The following SORCS3 variants were observed in gnomAD, a reference collection of about 807,000 sequenced individuals.
SORCS3 encodes the protein VPS10 domain-containing receptor SorCS3.
Under a neutral mutation model 146.3 loss-of-function variants are expected in SORCS3, and 57 were observed. The observed-to-expected ratio is 0.39, with a 90% CI of 0.31 to 0.49. SORCS3 has a LOEUF of 0.49. Ranked by LOEUF, SORCS3 falls within the 20% of genes least tolerant of loss-of-function variation. The pLI, the probability that SORCS3 is intolerant of heterozygous loss-of-function variation, is 0.92. For synonymous variants in SORCS3, 653 were observed against 618.5 expected (o/e 1.06, Z -0.83); for missense variants, 1,341 against 1,575.5 (o/e 0.85, Z 2.52).
intron 4 of SORCS3, among the ~76,000 whole-genome samples, chr10:105,020,886 C>A (rs190523753): frequency 4.7e-4 from 72 of 152,280 alleles, no homozygotes; most frequent in African/African-American, 1.6e-3. Flanking sequence ...TGTCTGAGTT[C>A]GTATGATACT....
intron 10 of SORCS3, 80 bp downstream of exon 10, chr10:105,157,364 A>G (rs1484612358): frequency 6.4e-7 from 1 of 1,555,658 alleles, no homozygotes; most frequent in Non-Finnish European, 8.7e-7. Context: ...TTGTTTCGTC[A>G]AAGGGTCTTA....
Position 104,865,573 on chromosome 10 carries a change from G to C in SORCS3, c.695+22714G>C, listed in dbSNP as rs1250477317. Among the ~76,000 whole-genome samples the C allele has an allele frequency of 2.6e-5, 4 of 152,310 alleles. No individual in the cohort carries two copies. The East Asian group carries it at 7.7e-4, about 29-fold the overall frequency. ...GACAGGAAAGCAGACACCCTCAAAA[G>C]ATCCCAAGAGTCCAGTATTTAGTGG... On this transcript the variant is annotated intron_variant, in intron 2 of 26. Transcript: ENST00000369701.
At chr10:104,982,121 C>A (rs1052087735) in intron 4 of SORCS3, among the ~76,000 whole-genome samples, 1 of 152,072 alleles carries the variant, frequency 6.6e-6, no homozygotes, top group African/African-American at 2.4e-5. Context: ...TAGTAGCTGA[C>A]GGATTGACAG....
At chr10:104,957,726 C>T (rs980615502) in intron 3 of SORCS3, among the ~76,000 whole-genome samples, 1 of 152,102 alleles carries the variant, frequency 6.6e-6, no homozygotes, top group Non-Finnish European at 1.5e-5. Context: ...TCTGGAAGAC[C>T]CTTTTCTCTG....
chr10:104,950,885 C>T (rs972814972), intron 3 of SORCS3, among the ~76,000 whole-genome samples: 4 of 152,184 alleles, frequency 2.6e-5, no homozygotes, highest in Non-Finnish European at 4.4e-5. Flanking sequence ...CCTCAGTACT[C>T]TCTAACTAAG....
intron 7 of SORCS3, among the ~76,000 whole-genome samples, chr10:105,127,265 A>T (rs1393519771): frequency 2.6e-5 from 4 of 152,102 alleles, no homozygotes; most frequent in Non-Finnish European, 5.9e-5. Context: ...TGGTGTTGTC[A>T]ACCACGCAAA....
At position 104,641,968 on chromosome 10, in the gene SORCS3, C is replaced by T. The variant is rs1399614395; in HGVS notation, c.627+14C>T. 5 of 1,247,424 alleles carry T rather than the reference C, an allele frequency of 4.0e-6. No homozygotes were observed. Among genetic ancestry groups the T allele is most frequent in the Admixed American group, 5.1e-5 (2 of 39,524 alleles). 77.3% of individuals were successfully genotyped at this position (1,247,424 alleles called of 1,614,324 possible). A position where few individuals can be genotyped will look rare whatever the true frequency, so the allele number is the denominator to read the frequency against. ...CACAACAGCAGCGTGAGTACCCACC[C>T]GGCGGCGGGTCCGCCTGTTTCCTGA... On this transcript the variant is annotated intron_variant, in intron 1 of 26. Coordinates refer to ENST00000369701, the MANE Select transcript of SORCS3 (RefSeq NM_014978.3). The surrounding 1 kb of genome is among the most constrained non-coding windows in gnomAD (Gnocchi z 6.4).
intron 16 of SORCS3, among the ~76,000 whole-genome samples, chr10:105,204,812 A>G (rs2056592936): frequency 6.6e-6 from 1 of 151,760 alleles, no homozygotes; most frequent in Admixed American, 6.6e-5. Flanking sequence ...TTTTGGGGGG[A>G]CAATGAGACT....
intron 5 of SORCS3, among the ~76,000 whole-genome samples, chr10:105,071,877 A>G (rs149854540): frequency 3.7e-4 from 57 of 152,350 alleles, no homozygotes; most frequent in African/African-American, 1.4e-3. Flanking sequence ...ACACAGGTAG[A>G]AAGACATAGA....
intron 23 of SORCS3, among the ~76,000 whole-genome samples, chr10:105,253,520 A>G (rs1208276257): frequency 6.6e-6 from 1 of 152,220 alleles, no homozygotes; most frequent in Non-Finnish European, 1.5e-5. Flanking sequence ...AGGGGATGGC[A>G]GGACTGGTGT....
chr10:104,886,636 T>C (rs1351694447), intron 2 of SORCS3, among the ~76,000 whole-genome samples: 1 of 151,990 alleles, frequency 6.6e-6, no homozygotes, highest in Non-Finnish European at 1.5e-5. Flanking sequence ...AGATGTAGAA[T>C]TAAAATATTT....
At chr10:104,806,249 T>C (rs1780875450) in intron 1 of SORCS3, among the ~76,000 whole-genome samples, 1 of 152,194 alleles carries the variant, frequency 6.6e-6, no homozygotes, top group South Asian at 2.1e-4. Context: ...CTCCTCTGAG[T>C]GTCCTTCCTT....
intron 3 of SORCS3, among the ~76,000 whole-genome samples, chr10:104,947,231 T>G (rs2133623116): frequency 6.6e-6 from 1 of 152,256 alleles, no homozygotes; most frequent in East Asian, 1.9e-4. Context: ...GCTCTGTTGG[T>G]AGACGTTCAC....
chr10:104,733,220 CAGAGGTGCAG>C (rs554025616), intron 1 of SORCS3, among the ~76,000 whole-genome samples: 124 of 152,242 alleles, frequency 8.1e-4, no homozygotes, highest in African/African-American at 2.9e-3. Context: ...TCTCCCTTAG[CAGAGGTGCAG>C]AGAGGGTCAA....
chr10:105,171,939 C>A (rs1222574159), intron 13 of SORCS3, among the ~76,000 whole-genome samples: 1 of 152,060 alleles, frequency 6.6e-6, no homozygotes, highest in African/African-American at 2.4e-5. Context: ...TTTTGTGACA[C>A]CCCCAAAAAG....
chr10:105,089,504 C>G (rs1014208890), intron 5 of SORCS3, among the ~76,000 whole-genome samples: 9 of 152,160 alleles, frequency 5.9e-5, no homozygotes, highest in Non-Finnish European at 1.2e-4. Context: ...ACCAGCATGA[C>G]TATGCACTCT....
chr10:104,887,889 T>C (rs2018705385), intron 2 of SORCS3, among the ~76,000 whole-genome samples: 1 of 148,326 alleles, frequency 6.7e-6, no homozygotes, highest in East Asian at 2.0e-4. Flanking sequence ...TAAGTACAGA[T>C]GCTTGCACAT....
intron 4 of SORCS3, among the ~76,000 whole-genome samples, chr10:105,018,619 T>A (rs114226322): frequency 0.012 from 1,794 of 152,372 alleles, 21 homozygotes; most frequent in African/African-American, 0.03. Flanking sequence ...TTATTACATA[T>A]GAGCTTATGT....
chr10:104,934,875 A>G lies in SORCS3; in HGVS notation c.795+18943A>G, dbSNP rs138247638. On this transcript the variant is annotated intron_variant, in intron 3 of 26. Coordinates refer to ENST00000369701, the MANE Select transcript of SORCS3 (RefSeq NM_014978.3). ...AAGGCTGGGAAGGGGCATTTTTTGC[A>G]CTGCTTTCCTTTAGCAGTGGTGATT... 1.3e-3 allele frequency among the ~76,000 whole-genome samples: 192 copies of G among 152,298 alleles called. 5 individuals are homozygous for G. The South Asian group carries it at 0.02, about 16-fold the overall frequency.
Sources: allele counts gnomAD v4.1 joint callset (sites outside exome capture counted in the v4.1 genomes callset), GRCh38; gene constraint gnomAD v4.1.1; non-coding constraint Gnocchi (gnomAD v3.1); transcripts MANE v1.5; gene names NCBI Gene and HGNC (gene_info 2026-07-23, HGNC 2026-07-21).